RBFOX1: variants seen among roughly 807,000 people sequenced by gnomAD.
RBFOX1 encodes RNA binding protein fox-1 homolog 1.
In RBFOX1, 8 loss-of-function variants were observed where a neutral mutation model predicts 57.7. That is an observed-to-expected ratio of 0.14 (90% confidence interval 0.08 to 0.25). The LOEUF (loss-of-function observed/expected upper bound fraction) is 0.25, where lower values mean the gene tolerates loss of function less well. Ranked by LOEUF, RBFOX1 falls within the 10% of genes least tolerant of loss-of-function variation. The probability of loss-of-function intolerance (pLI) is 1.00; values close to 1 mark genes in which losing one functional copy is unlikely to be tolerated. For missense variants in RBFOX1, 611 were observed against 548.5 expected (o/e 1.11, Z -1.14); for synonymous variants, 326 against 222.4 (o/e 1.47, Z -4.15).
chr16:7,390,425 G>C (rs1203754342), intron 4 of RBFOX1, among the ~76,000 whole-genome samples: 1 of 152,138 alleles, frequency 6.6e-6, no homozygotes, highest in Non-Finnish European at 1.5e-5. Flanking sequence ...AGAAGACTTG[G>C]GTTTAAGTTT....
chr16:6,356,587 C>T (rs895768974), intron 2 of RBFOX1, among the ~76,000 whole-genome samples: 2 of 152,080 alleles, frequency 1.3e-5, no homozygotes, highest in African/African-American at 4.8e-5. Flanking sequence ...AGCAGTACAT[C>T]TTACAACCGT....
At chr16:6,264,546 T>A (rs547130989) in intron 1 of RBFOX1, among the ~76,000 whole-genome samples, 34 of 152,240 alleles carry the variant, frequency 2.2e-4, no homozygotes, top group Non-Finnish European at 3.4e-4. Context: ...CTCGCTCACA[T>A]CACTACAGCC....
At chr16:7,241,838 A>G (rs978648588) in intron 4 of RBFOX1, among the ~76,000 whole-genome samples, 6 of 151,990 alleles carry the variant, frequency 3.9e-5, no homozygotes, top group Non-Finnish European at 7.4e-5. Context: ...TACATATATT[A>G]AATATGTAAA....
At chr16:7,154,661 G>A (rs1249841048) in intron 4 of RBFOX1, among the ~76,000 whole-genome samples, 2 of 151,182 alleles carry the variant, frequency 1.3e-5, no homozygotes, top group Non-Finnish European at 2.9e-5. Flanking sequence ...AACTTAGTTT[G>A]GGAAATGGCT....
intron 2 of RBFOX1, among the ~76,000 whole-genome samples, chr16:6,646,484 G>A (rs552319017): frequency 1.6e-4 from 25 of 152,018 alleles, no homozygotes; most frequent in Non-Finnish European, 3.2e-4. Flanking sequence ...GTGGGTCCTC[G>A]GTGGCAGATT....
At chr16:5,480,961 T>C (rs920903864) in intron 2 of RBFOX1, among the ~76,000 whole-genome samples, 3 of 152,268 alleles carry the variant, frequency 2.0e-5, no homozygotes, top group Non-Finnish European at 4.4e-5. Context: ...GGAGGTGGAA[T>C]GCTCCGTCTA....
exon 3 of RBFOX1, chr16:5,599,177 G>C (rs772002620): frequency 1.4e-6 from 1 of 705,532 alleles, no homozygotes; most frequent in East Asian, 2.7e-5. Context: ...TACATGGTGT[G>C]AGAGCTGTAT....
intron 4 of RBFOX1, among the ~76,000 whole-genome samples, chr16:7,237,464 C>T (rs771029360): frequency 5.3e-5 from 8 of 152,312 alleles, no homozygotes; most frequent in Non-Finnish European, 7.4e-5. Context: ...CAGATTGTAA[C>T]TCATTTACAT....
At chr16:6,943,367 T>A (rs2078896899) in intron 3 of RBFOX1, among the ~76,000 whole-genome samples, 1 of 152,200 alleles carries the variant, frequency 6.6e-6, no homozygotes, top group Non-Finnish European at 1.5e-5. Context: ...GTGGATGAGC[T>A]GTCAGCTAGC....
intron 3 of RBFOX1, among the ~76,000 whole-genome samples, chr16:5,637,862 C>A (rs2048734246): frequency 6.6e-6 from 1 of 152,186 alleles, no homozygotes; most frequent in African/African-American, 2.4e-5. Context: ...TCTCCTACCG[C>A]CTTAGGTGAA....
At chr16:6,934,731 G>C (rs2077088567) in intron 3 of RBFOX1, among the ~76,000 whole-genome samples, 1 of 152,024 alleles carries the variant, frequency 6.6e-6, no homozygotes, top group African/African-American at 2.4e-5. Context: ...AAGCTGTGAG[G>C]CCCTTTGCTT....
At chr16:6,623,433 G>A (rs1225833622) in intron 2 of RBFOX1, among the ~76,000 whole-genome samples, 1 of 93,420 alleles carries the variant, frequency 1.1e-5, no homozygotes, top group Non-Finnish European at 2.3e-5. Flanking sequence ...CATATTGTTA[G>A]GTGAAAATTC....
chr16:5,530,213 C>T (rs1186321715), intron 2 of RBFOX1, among the ~76,000 whole-genome samples: 2 of 152,218 alleles, frequency 1.3e-5, no homozygotes, highest in African/African-American at 2.4e-5. Flanking sequence ...GTCCGAGGTA[C>T]AGCAAGACAA....
At chr16:6,885,424 C>A (rs567597954) in intron 3 of RBFOX1, among the ~76,000 whole-genome samples, 5 of 152,234 alleles carry the variant, frequency 3.3e-5, no homozygotes, top group African/African-American at 1.2e-4. Context: ...ATTTTAATAA[C>A]AGCTGAGTTC....
At chr16:6,940,349 G>C (rs1013575082) in intron 3 of RBFOX1, among the ~76,000 whole-genome samples, 9 of 152,142 alleles carry the variant, frequency 5.9e-5, no homozygotes, top group Non-Finnish European at 1.2e-4. Flanking sequence ...AAAAGCAAAA[G>C]CTCAAACTAC....
chr16:5,383,940 T>A (rs182853916), intron 1 of RBFOX1, among the ~76,000 whole-genome samples: 1 of 152,362 alleles, frequency 6.6e-6, no homozygotes, highest in African/African-American at 2.4e-5. Context: ...AGGTTTGTTC[T>A]CTTTCTTCTT....
rs192014374 is a variant in RBFOX1 at position 6,831,428 on chromosome 16, A to G, written c.-16+176778A>G. 2.5e-3 allele frequency among the ~76,000 whole-genome samples: 387 copies of G among 152,338 alleles called. 2 individuals carry two copies. Among genetic ancestry groups the G allele is most frequent in the African/African-American group, 8.8e-3 (366 of 41,578 alleles). ...AAAAAACAGGAATACTCTGAAACAT[A>G]TTTAACCACATAATTATACCTCAGC... On this transcript the variant is annotated intron_variant, in intron 3 of 15. Coordinates refer to ENST00000550418, the MANE Select transcript of RBFOX1 (RefSeq NM_018723.4).
chr16:6,620,420 C>A (rs189335311), intron 2 of RBFOX1, among the ~76,000 whole-genome samples: 1 of 152,198 alleles, frequency 6.6e-6, no homozygotes, highest in African/African-American at 2.4e-5. Context: ...AACAAGTTAA[C>A]AACACAATTA....
chr16:7,534,776 C>A (rs542765227), intron 5 of RBFOX1, among the ~76,000 whole-genome samples: 4 of 38,182 alleles, frequency 1.0e-4, no homozygotes, highest in African/African-American at 4.3e-4. Flanking sequence ...TGAGCAGGAT[C>A]CAGGTTTTAG....
Sources: allele counts gnomAD v4.1 joint callset (sites outside exome capture counted in the v4.1 genomes callset), GRCh38; gene constraint gnomAD v4.1.1; transcripts MANE v1.5; gene names NCBI Gene and HGNC (gene_info 2026-07-23, HGNC 2026-07-21).